Variants in DENND2B observed in about 807,000 individuals in gnomAD.
DENND2B encodes the protein DENN domain-containing protein 2B.
Under a neutral mutation model 116.0 loss-of-function variants are expected in DENND2B, and 32 were observed. That is an observed-to-expected ratio of 0.28 (90% CI 0.21 to 0.37). DENND2B has a LOEUF of 0.37. Ranked by LOEUF, DENND2B falls within the 10% of genes least tolerant of loss-of-function variation. DENND2B has a pLI of 1.00. For missense variants in DENND2B, 1,276 were observed against 1,477.7 expected (o/e 0.86, Z 2.24); for synonymous variants, 588 against 583.9 (o/e 1.01, Z -0.10).
intron 3 of DENND2B, among the ~76,000 whole-genome samples, chr11:8,844,596 C>G (rs1170969849): frequency 1.2e-5 from 1 of 82,104 alleles, no homozygotes; most frequent in Non-Finnish European, 2.7e-5. Flanking sequence ...GAATTTTATC[C>G]TAATATTTAT....
At chr11:8,787,891 C>T (rs913332245) in intron 1 of DENND2B, among the ~76,000 whole-genome samples, 2 of 152,244 alleles carry the variant, frequency 1.3e-5, no homozygotes, top group African/African-American at 4.8e-5. Flanking sequence ...CTCTCCAAAA[C>T]TCTGACACCT....
chr11:8,840,696 T>C (rs1046582398), intron 3 of DENND2B, among the ~76,000 whole-genome samples: 1 of 152,202 alleles, frequency 6.6e-6, no homozygotes, highest in African/African-American at 2.4e-5. Flanking sequence ...CCGTTCCATA[T>C]TGGGCAGGAA....
At chr11:8,903,579 C>A (rs945365592) in intron 1 of DENND2B, among the ~76,000 whole-genome samples, 5 of 150,706 alleles carry the variant, frequency 3.3e-5, no homozygotes, top group African/African-American at 1.2e-4. Flanking sequence ...AGCTTTTTGT[C>A]AACAAATTAG....
intron 1 of DENND2B, among the ~76,000 whole-genome samples, chr11:8,901,229 C>CTTTTCTTTTCTTTTCTT (rs781408078): frequency 4.8e-5 from 4 of 83,916 alleles, no homozygotes; most frequent in African/African-American, 1.9e-4. Context: ...CTTTTCTTTT[C>CTTTTCTTTTCTTTTCTT]TTTTTTTTTT....
At chr11:8,889,976 A>C (rs1473880976) in intron 1 of DENND2B, among the ~76,000 whole-genome samples, 1 of 152,202 alleles carries the variant, frequency 6.6e-6, no homozygotes, top group Non-Finnish European at 1.5e-5. Flanking sequence ...GAGTAGCCTA[A>C]CTGGGAGGCA....
chr11:8,909,312 C>T (rs1467654100), intron 1 of DENND2B, among the ~76,000 whole-genome samples: 2 of 151,996 alleles, frequency 1.3e-5, no homozygotes, highest in African/African-American at 4.8e-5. Flanking sequence ...TGCAGTGAGC[C>T]GAGATCGTGC....
At position 8,707,033 on chromosome 11, in the gene DENND2B, C is replaced by T; in HGVS notation, c.2571+52G>A. On this transcript the variant is annotated intron_variant, in intron 13 of 19. Transcript: ENST00000313726. This position sits in a 1 kb window ranked among gnomAD's most constrained non-coding sequence, Gnocchi z 4.8. ...GACTACGACCTTGGCCAGCATGGTC[C>T]TCCTGCCACCCCAGCCCGTAGCCCG... is the stretch of plus-strand genomic sequence containing the variant. 1 of 1,577,208 alleles carries T rather than the reference C, an allele frequency of 6.3e-7. No homozygotes were observed. Among genetic ancestry groups the T allele is most frequent in the Non-Finnish European group, 8.6e-7 (1 of 1,159,614 alleles).
intron 13 of DENND2B, among the ~76,000 whole-genome samples, chr11:8,705,290 T>C (rs963109779): frequency 6.6e-6 from 1 of 152,142 alleles, no homozygotes; most frequent in Non-Finnish European, 1.5e-5. Context: ...CTTGAGAAGA[T>C]GTCTACACAG....
rs932925333 is a variant in DENND2B, at chr11:8,712,730, T to C, written c.1993A>G (p.Thr665Ala). 1 of 1,609,712 alleles carries C rather than the reference T, an allele frequency of 6.2e-7. No homozygotes were observed. Among genetic ancestry groups the C allele is most frequent in the Non-Finnish European group, 8.5e-7 (1 of 1,177,696 alleles). ...SDSDDRFKAHTQRLVHIQSML... is the reference protein window; with the variant it reads ...SDSDDRFKAHAQRLVHIQSML... ...GACTGGATGTGGACCAGGCGCTGTGTGTGGGCTGGAGGCAGGTTGCACATC... is the reference window on the plus strand; with the variant it reads ...GACTGGATGTGGACCAGGCGCTGTGCGTGGGCTGGAGGCAGGTTGCACATC... Residue 665 changes from threonine (T) to alanine (A), a missense_variant, in exon 9 of 20, where the codon ACA becomes GCA. Physicochemically the swap from Thr to Ala is moderately conservative, Grantham distance 58. This residue lies in a region of DENND2B where 420 missense variants were observed against 631.1 expected (regional missense o/e 0.67). Transcript: ENST00000313726. The surrounding 1 kb of genome is among the most constrained non-coding windows in gnomAD (Gnocchi z 4.4).
chr11:8,729,425 T>TA (rs1409186462), intron 3 of DENND2B, among the ~76,000 whole-genome samples: 1 of 152,192 alleles, frequency 6.6e-6, no homozygotes, highest in East Asian at 1.9e-4. Flanking sequence ...CCCCTCTTGA[T>TA]ATAGGCCCAG....
intron 18 of DENND2B, 72 bp downstream of exon 18, chr11:8,696,330 CCTAGCTGATGTCCAAGAGCTTCCAT>C: frequency 1.3e-6 from 2 of 1,536,338 alleles, no homozygotes; most frequent in Non-Finnish European, 1.8e-6. Flanking sequence ...GAGGCCTGGC[CCTAGCTGATGTCCAAGAGCTTCCAT>C]CATAGTGCCT....
intron 1 of DENND2B, among the ~76,000 whole-genome samples, chr11:8,790,403 T>A (rs1342252159): frequency 6.6e-6 from 1 of 152,218 alleles, no homozygotes; most frequent in Non-Finnish European, 1.5e-5. Context: ...GCGCTGGTCC[T>A]GCAGGGGCCT....
intron 1 of DENND2B, among the ~76,000 whole-genome samples, chr11:8,799,935 T>C (rs1346188593): frequency 2.5e-5 from 1 of 39,990 alleles, no homozygotes. Flanking sequence ...TTATTATTAT[T>C]ATTATTATTA....
intron 1 of DENND2B, among the ~76,000 whole-genome samples, chr11:8,904,533 C>T (rs2064211259): frequency 6.6e-6 from 1 of 152,172 alleles, no homozygotes; most frequent in Non-Finnish European, 1.5e-5. Context: ...AGATGTTCCC[C>T]TTGCCACTTC....
intron 1 of DENND2B, among the ~76,000 whole-genome samples, chr11:8,766,184 G>T (rs1486423024): frequency 1.3e-5 from 2 of 152,094 alleles, no homozygotes; most frequent in Non-Finnish European, 2.9e-5. Flanking sequence ...TGTTCATGGA[G>T]CCAAGAGGAG....
At chr11:8,700,601 G>T (rs980510043) in intron 14 of DENND2B, among the ~76,000 whole-genome samples, 1 of 152,140 alleles carries the variant, frequency 6.6e-6, no homozygotes, top group African/African-American at 2.4e-5. Flanking sequence ...CCAGAACGGG[G>T]ATTTTCCTTC....
intron 1 of DENND2B, among the ~76,000 whole-genome samples, chr11:8,783,070 A>C (rs1280280225): frequency 9.8e-6 from 1 of 101,710 alleles, no homozygotes; most frequent in Non-Finnish European, 2.0e-5. Context: ...TTTTTTTCCC[A>C]AAGAGATGGG....
At chr11:8,751,906 T>C (rs565344009) in intron 1 of DENND2B, among the ~76,000 whole-genome samples, 11 of 152,320 alleles carry the variant, frequency 7.2e-5, no homozygotes, top group African/African-American at 2.6e-4. Flanking sequence ...TGAAACTGAC[T>C]TCCTTTTCTT....
chr11:8,708,679 C>T (rs1233960816), intron 11 of DENND2B, among the ~76,000 whole-genome samples: 5 of 152,120 alleles, frequency 3.3e-5, no homozygotes, highest in African/African-American at 7.2e-5. Context: ...TGGCCAGGCG[C>T]GGTGGCTCAC....
Sources: allele counts gnomAD v4.1 joint callset (sites outside exome capture counted in the v4.1 genomes callset), GRCh38; gene constraint gnomAD v4.1.1; regional missense constraint gnomAD v4.1.1; non-coding constraint Gnocchi (gnomAD v3.1); transcripts MANE v1.5; gene names NCBI Gene and HGNC (gene_info 2026-07-23, HGNC 2026-07-21).